The following PEX2 variants were observed in gnomAD, a reference collection of about 807,000 sequenced individuals.
PEX2 encodes peroxisomal biogenesis factor 2.
In PEX2, 19 loss-of-function variants were observed where a neutral mutation model predicts 25.2. That is an observed-to-expected ratio of 0.75 (90% CI 0.53 to 1.10). The LOEUF (loss-of-function observed/expected upper bound fraction) is 1.10. Ranked by LOEUF, PEX2 falls within the 50% of genes least tolerant of loss-of-function variation. The pLI is 0.00. For missense variants in PEX2, 347 were observed against 350.6 expected, an observed-to-expected ratio of 0.99 and a Z score of 0.08; for synonymous variants, 141 against 127.7, an observed-to-expected ratio of 1.10 and a Z score of -0.70.
At position 76,980,875 on chromosome 8, in the gene PEX2, T is replaced by C. The variant is rs1317373053; in HGVS notation, c.*2386A>G. 8 of 152,242 alleles carry C rather than the reference T, an allele frequency of 5.3e-5. No homozygotes were observed. Among genetic ancestry groups the C allele is most frequent in the African/African-American group, 1.9e-4 (8 of 41,464 alleles). 9.4% of individuals were successfully genotyped at this position (152,242 alleles called of 1,614,324 possible). A position where few individuals can be genotyped will look rare whatever the true frequency, so the allele number is the denominator to read the frequency against. On this transcript the variant is annotated 3_prime_UTR_variant, in exon 4 of 4. Transcript: ENST00000357039. Reference sequence around the variant, plus strand: ...CTTACAATGAACAGATGTGCAGAGATGTGGCACATTGCCCTAGGTTATACA... The same window carrying C: ...CTTACAATGAACAGATGTGCAGAGACGTGGCACATTGCCCTAGGTTATACA...
chr8:77,000,091 G>A (rs1299110730), upstream of PEX2: 4 of 386,836 alleles, frequency 1.0e-5, no homozygotes, highest in African/African-American at 6.4e-5. Context: ...CAAGGCTTCC[G>A]GAACTCGCAG....
At chr8:76,987,876 A>G (rs1392461683) in intron 2 of PEX2, 1 of 152,214 alleles carries the variant, frequency 6.6e-6, no homozygotes, top group Admixed American at 6.5e-5. Flanking sequence ...GAAAATATAT[A>G]CATGCAATTT....
intron 1 of PEX2, among the ~76,000 whole-genome samples, chr8:76,996,500 T>C (rs868849126): frequency 6.6e-6 from 1 of 152,140 alleles, no homozygotes; most frequent in Non-Finnish European, 1.5e-5. Flanking sequence ...ACTAAGAGTA[T>C]AGGCACAAAC....
chr8:76,989,007 T>TGA (rs372793656), intron 1 of PEX2, among the ~76,000 whole-genome samples: 9 of 129,908 alleles, frequency 6.9e-5, no homozygotes, highest in Admixed American at 6.3e-4. Flanking sequence ...CTACAAAAAC[T>TGA]AAAAAAAAAA....
intron 1 of PEX2, among the ~76,000 whole-genome samples, chr8:76,989,007 T>TACA (rs1554584991): frequency 1.1e-4 from 14 of 129,908 alleles, no homozygotes; most frequent in African/African-American, 3.2e-4. Flanking sequence ...CTACAAAAAC[T>TACA]AAAAAAAAAA....
In PEX2 at chr8:76,983,663, A is replaced by G. The variant is rs759110704; in HGVS notation, c.516T>C (p.Gly172=). The G allele has an allele frequency of 6.2e-7, 1 of 1,614,144 alleles. No homozygotes were observed. Among genetic ancestry groups the G allele is most frequent in the Admixed American group, 1.7e-5 (1 of 60,030 alleles). The change falls in exon 4 of 4, where the codon GGT becomes GGC. Residue 172 remains glycine (G), a synonymous_variant. Transcript: ENST00000357039. ...KFATLTERLL[G]IHSVFCKPQN... is the part of the protein sequence containing the mutation. Reference sequence around the variant, plus strand: ...GAGGCTTGCAAAATACAGAATGAATACCTAGGAGACGTTCTGTCAAAGTTG... The same window carrying G: ...GAGGCTTGCAAAATACAGAATGAATGCCTAGGAGACGTTCTGTCAAAGTTG...
intron 3 of PEX2, 134 bp from the exon 4 acceptor site, chr8:76,984,329 T>G (rs552134875): frequency 1.7e-5 from 11 of 662,150 alleles, no homozygotes; most frequent in East Asian, 2.7e-5. Context: ...TAGTCTCAAA[T>G]AGTACAGCGA....
chr8:76,988,094 C>T (rs1319256414), intron 2 of PEX2: 2 of 152,146 alleles, frequency 1.3e-5, no homozygotes, highest in Non-Finnish European at 2.9e-5. Flanking sequence ...ATTTGTAACA[C>T]ATTCAACTTT....
At chr8:76,992,544 T>G (rs1293800068) in intron 1 of PEX2, among the ~76,000 whole-genome samples, 1 of 152,202 alleles carries the variant, frequency 6.6e-6, no homozygotes, top group Non-Finnish European at 1.5e-5. Flanking sequence ...AGAAATTCAA[T>G]TAACCCAATT....
intron 1 of PEX2, among the ~76,000 whole-genome samples, chr8:76,990,830 T>C (rs1807149611): frequency 1.3e-5 from 2 of 152,118 alleles, no homozygotes; most frequent in South Asian, 4.1e-4. Flanking sequence ...GTCTGAAATA[T>C]TGCCAAGAAT....
chr8:76,988,901 A>G (rs1486410900), intron 1 of PEX2, among the ~76,000 whole-genome samples: 1 of 152,034 alleles, frequency 6.6e-6, no homozygotes, highest in Non-Finnish European at 1.5e-5. Flanking sequence ...CTTATCCATA[A>G]GAAGCAACTC....
Position 76,983,248 on chromosome 8 carries a change from G to C in PEX2, c.*13C>G. ...CGGTGCATTTTTTTCCTCAAAGGAA[G>C]CAATTTTAGTTTCTAAAGAGCATTT... On this transcript the variant is annotated 3_prime_UTR_variant, in exon 4 of 4. Transcript: ENST00000357039. 1 of 1,609,986 alleles carries C rather than the reference G, an allele frequency of 6.2e-7. No homozygotes were observed.
intron 3 of PEX2, among the ~76,000 whole-genome samples, chr8:76,985,442 A>C (rs1806975355): frequency 6.6e-6 from 1 of 152,178 alleles, no homozygotes; most frequent in South Asian, 2.1e-4. Context: ...GCCAAGAGCA[A>C]ATCTGAAGTG....
At chr8:76,994,310 G>A (rs1303241246) in intron 1 of PEX2, among the ~76,000 whole-genome samples, 2 of 152,026 alleles carry the variant, frequency 1.3e-5, no homozygotes, top group Non-Finnish European at 2.9e-5. Context: ...AATGTTTCAG[G>A]ATGTATTTTA....
rs749835675 is a variant in PEX2, at chr8:76,983,337, G to A, written c.842C>T (p.Pro281Leu). ...SFLFDVYFTC[P>L]KCGTEVHSLQ... Reference sequence around the variant, plus strand: ...ACTGTGTACTTCTGTGCCACACTTAGGACAAGTAAAGTACACGTCAAATAA... The same window carrying A: ...ACTGTGTACTTCTGTGCCACACTTAAGACAAGTAAAGTACACGTCAAATAA... The change falls in exon 4 of 4, where the codon CCT becomes CTT. Residue 281 changes from proline (P) to leucine (L), a missense_variant. Coordinates refer to ENST00000357039, the MANE Select transcript of PEX2 (RefSeq NM_000318.3). The A allele has an allele frequency of 1.9e-6, 3 of 1,613,904 alleles. No homozygotes were observed. Among genetic ancestry groups the A allele is most frequent in the East Asian group, 4.5e-5 (2 of 44,864 alleles).
rs1009024491 is a variant in PEX2 at position 76,982,267 on chromosome 8, C to G, written c.*994G>C. ...TGATTATGCACTGCTGTTACTATTC[C>G]CATGCTAAAGACCCCTTTTGTTTCA... On this transcript the variant is annotated 3_prime_UTR_variant, in exon 4 of 4. Transcript: ENST00000357039. 1 of 152,000 alleles carries G rather than the reference C, an allele frequency of 6.6e-6. No individual in the cohort carries two copies. Among genetic ancestry groups the G allele is most frequent in the Admixed American group, 6.6e-5 (1 of 15,266 alleles). The allele number at this position is 152,000 out of a possible 1,614,324, so 9.4% of individuals were successfully genotyped here. A position where few individuals can be genotyped will look rare whatever the true frequency, so the allele number is the denominator to read the frequency against.
chr8:76,994,515 C>G (rs957333634), intron 1 of PEX2, among the ~76,000 whole-genome samples: 3 of 152,084 alleles, frequency 2.0e-5, no homozygotes, highest in Non-Finnish European at 4.4e-5. Context: ...TATCAATATA[C>G]ACATTATTAT....
rs1398546756 is a variant in PEX2 at position 76,983,471 on chromosome 8, T to C, written c.708A>G (p.Thr236=). The change falls in exon 4 of 4, where the codon ACA becomes ACG. Residue 236 remains threonine, a synonymous_variant. Coordinates refer to ENST00000357039, the MANE Select transcript of PEX2 (RefSeq NM_000318.3). ...PLTGAPNSDN[T]LATSGKECAL... is the part of the protein sequence containing the mutation. ...CGCATTCTTTGCCACTGGTGGCTAA[T>C]GTATTGTCACTATTAGGTGCACCAG... 1 of 1,614,164 alleles carries C rather than the reference T, an allele frequency of 6.2e-7. No homozygotes were observed. The highest frequency in any genetic ancestry group is 1.3e-5 in the African/African-American group (1 of 75,066).
chr8:76,988,610 G>A (rs1339692659), intron 1 of PEX2, among the ~76,000 whole-genome samples: 1 of 152,140 alleles, frequency 6.6e-6, no homozygotes, highest in Non-Finnish European at 1.5e-5. Flanking sequence ...GATGACTGCT[G>A]AAGGCTGGGG....
Sources: allele counts gnomAD v4.1 joint callset (sites outside exome capture counted in the v4.1 genomes callset), GRCh38; gene constraint gnomAD v4.1.1; transcripts MANE v1.5; gene names NCBI Gene and HGNC (gene_info 2026-07-23, HGNC 2026-07-21).